Variants in ZW10 observed in about 807,000 individuals in gnomAD.
ZW10 encodes the protein centromere/kinetochore protein zw10 homolog.
ZW10 carries 53 observed loss-of-function variants against 87.8 expected under a neutral mutation model. The ratio of observed to expected loss-of-function variants is 0.60; its 90% CI spans 0.48 to 0.76. The LOEUF is 0.76. Among genes scored for constraint, ZW10 ranks in the 30% least tolerant of loss-of-function variants. The pLI is 0.00. For missense variants in ZW10, 837 were observed against 923.0 expected, an observed-to-expected ratio of 0.91 and a Z score of 1.21; for synonymous variants, 312 against 329.2, an observed-to-expected ratio of 0.95 and a Z score of 0.57.
At chr11:113,761,049 G>T in intron 2 of ZW10, 131 bp from the exon 3 acceptor site, 1 of 699,648 alleles carries the variant, frequency 1.4e-6, no homozygotes, top group Non-Finnish European at 2.3e-6. Context: ...GTTAAGACTG[G>T]AATAAAAATC....
chr11:113,743,806 G>T lies in ZW10; in HGVS notation c.1507C>A (p.Gln503Lys). 1.2e-6 allele frequency: 2 copies of T among 1,611,842 alleles called. No individual in the cohort carries two copies. The highest frequency in any genetic ancestry group is 2.2e-5 in the South Asian group (2 of 91,024). Reference protein sequence around the residue: ...TLLEATTSSDQCAVQLFYSVR... With the variant: ...TLLEATTSSDKCAVQLFYSVR... ...CACACAACCCAGAATTCGTACCATT[G>T]ATCACTACTGGTTGTTGCCTCTAGT... Residue 503 changes from glutamine to lysine, a missense_variant, in exon 10 of 16, where the codon CAA becomes AAA. Transcript: ENST00000200135.
intron 7 of ZW10, among the ~76,000 whole-genome samples, chr11:113,752,019 C>A (rs901853049): frequency 3.3e-5 from 5 of 152,084 alleles, no homozygotes; most frequent in Non-Finnish European, 7.4e-5. Flanking sequence ...CATGCAAATA[C>A]TATAAATTAT....
chr11:113,737,395 T>C (rs1271703110), intron 14 of ZW10, among the ~76,000 whole-genome samples, 177 bp downstream of exon 14: 1 of 148,238 alleles, frequency 6.7e-6, no homozygotes, highest in Non-Finnish European at 1.5e-5. Flanking sequence ...TACTTTCATA[T>C]AAAAGAGATT....
At chr11:113,741,796 G>A (rs1218107084) in intron 10 of ZW10, 31 bp from the exon 11 acceptor site, 1 of 1,506,326 alleles carries the variant, frequency 6.6e-7, no homozygotes, top group African/African-American at 1.4e-5. Flanking sequence ...TAACAGAAAT[G>A]CCTAAGAATA....
chr11:113,763,746 A>G (rs1953885634), intron 2 of ZW10, among the ~76,000 whole-genome samples: 1 of 152,138 alleles, frequency 6.6e-6, no homozygotes, highest in Non-Finnish European at 1.5e-5. Context: ...TTCCTTGTAA[A>G]TTCTGGATAT....
rs759496477 is a variant in ZW10, at chr11:113,757,761, GAAT to G, written c.823_825del (p.Ile275del). The G allele has an allele frequency of 6.8e-6, 11 of 1,613,704 alleles. No individual in the cohort carries two copies. Among genetic ancestry groups the G allele is most frequent in the East Asian group, 2.2e-5 (1 of 44,860 alleles). ...AAGTTAGTCATTATAGATTCAAAACGAATAATAACTATGTTAGGCTGGCTTTCT... is the reference window on the plus strand; with the variant it reads ...AAGTTAGTCATTATAGATTCAAAACGAATAACTATGTTAGGCTGGCTTTCT... On this transcript the variant is annotated inframe_deletion, in exon 7 of 16. Coordinates refer to ENST00000200135, the MANE Select transcript of ZW10 (RefSeq NM_004724.4).
intron 11 of ZW10, among the ~76,000 whole-genome samples, chr11:113,739,639 A>G (rs1953593079): frequency 1.3e-5 from 2 of 152,244 alleles, no homozygotes; most frequent in Admixed American, 6.5e-5. Flanking sequence ...TGTTTGCCTG[A>G]GTCAACTTTT....
At chr11:113,736,057 C>T (rs945523266) in intron 15 of ZW10, among the ~76,000 whole-genome samples, 2 of 151,886 alleles carry the variant, frequency 1.3e-5, no homozygotes, top group African/African-American at 4.8e-5. Flanking sequence ...CTGGACAACA[C>T]AGAGAAACCT....
intron 9 of ZW10, among the ~76,000 whole-genome samples, chr11:113,746,734 C>A (rs938050690): frequency 5.3e-5 from 8 of 152,040 alleles, no homozygotes; most frequent in Admixed American, 6.5e-5. Flanking sequence ...GCAGAGGTAA[C>A]AAGTGGTTCA....
intron 9 of ZW10, among the ~76,000 whole-genome samples, chr11:113,746,535 T>C (rs993597030): frequency 1.7e-4 from 24 of 145,432 alleles, no homozygotes; most frequent in African/African-American, 5.6e-4. Flanking sequence ...AACTCTACCC[T>C]CATGGAGCTT....
intron 7 of ZW10, among the ~76,000 whole-genome samples, chr11:113,755,680 T>C (rs181984381): frequency 6.6e-6 from 1 of 152,308 alleles, no homozygotes; most frequent in Non-Finnish European, 1.5e-5. Flanking sequence ...CAAACAGCAC[T>C]GCATGCTACT....
At chr11:113,766,425 C>T (rs998777719) in intron 2 of ZW10, among the ~76,000 whole-genome samples, 4 of 151,806 alleles carry the variant, frequency 2.6e-5, no homozygotes, top group African/African-American at 9.7e-5. Context: ...AATCCCAGCA[C>T]TTTGGGAGGC....
At chr11:113,739,475 G>C in intron 11 of ZW10, 93 bp from the exon 12 acceptor site, 1 of 1,158,092 alleles carries the variant, frequency 8.6e-7, no homozygotes, top group East Asian at 2.5e-5. Context: ...GTATTTCTAG[G>C]CTTTAATAAC....
At chr11:113,744,807 C>T (rs1387062410) in intron 9 of ZW10, among the ~76,000 whole-genome samples, 2 of 152,152 alleles carry the variant, frequency 1.3e-5, no homozygotes, top group African/African-American at 2.4e-5. Flanking sequence ...TCTCCCTCCT[C>T]GACTTCCCAA....
intron 5 of ZW10, among the ~76,000 whole-genome samples, chr11:113,759,666 G>A (rs1201975112): frequency 1.3e-5 from 2 of 152,208 alleles, no homozygotes; most frequent in African/African-American, 4.8e-5. Flanking sequence ...AGCCAGGGCA[G>A]AAGTAATCCT....
chr11:113,759,701 C>T (rs1196977439), intron 5 of ZW10, among the ~76,000 whole-genome samples: 1 of 152,144 alleles, frequency 6.6e-6, no homozygotes, highest in Non-Finnish European at 1.5e-5. Flanking sequence ...CAAAGCACTC[C>T]CTAGCTCATT....
In ZW10 at chr11:113,743,989, C is replaced by G; in HGVS notation, c.1324G>C (p.Asp442His). The G allele has an allele frequency of 6.2e-7, 1 of 1,614,182 alleles. No individual in the cohort carries two copies. The highest frequency in any genetic ancestry group is 8.5e-7 in the Non-Finnish European group (1 of 1,180,004). Residue 442 changes from aspartate (D) to histidine (H), a missense_variant, in exon 10 of 16, where the codon GAT becomes CAT. Physicochemically the swap from Asp to His is moderately conservative, Grantham distance 81. Transcript: ENST00000200135. ...NVPELPTPDE[D>H]NKLEVQKVSN... The stretch of plus-strand genomic sequence containing the variant: ...ACTTTCTGTACTTCCAGTTTGTTAT[C>G]CTCATCAGGAGTGGGTAACTCTGGC...
chr11:113,766,201 T>C (rs984895286), intron 2 of ZW10, among the ~76,000 whole-genome samples: 3 of 151,638 alleles, frequency 2.0e-5, no homozygotes, highest in Non-Finnish European at 4.4e-5. Context: ...TGAGACCCTG[T>C]CCCTACCAAA....
At chr11:113,746,797 A>C (rs1713683) in intron 9 of ZW10, among the ~76,000 whole-genome samples, 3 of 152,208 alleles carry the variant, frequency 2.0e-5, no homozygotes, top group Admixed American at 6.5e-5. Flanking sequence ...AAATAAGTCC[A>C]GGATGCCTGC....
Sources: allele counts gnomAD v4.1 joint callset (sites outside exome capture counted in the v4.1 genomes callset), GRCh38; gene constraint gnomAD v4.1.1; transcripts MANE v1.5; gene names NCBI Gene and HGNC (gene_info 2026-07-23, HGNC 2026-07-21).